The following UNC5C variants were observed in gnomAD, a reference collection of about 807,000 sequenced individuals.
UNC5C encodes netrin receptor UNC5C.
UNC5C carries 47 observed loss-of-function variants against 99.8 expected under a neutral mutation model. The observed-to-expected ratio is 0.47, with a 90% confidence interval of 0.37 to 0.60. UNC5C has a LOEUF of 0.60. Among genes scored for constraint, UNC5C ranks in the 20% least tolerant of loss-of-function variants. UNC5C has a pLI of 0.00. For missense variants in UNC5C, 1,062 were observed against 1,165.9 expected (o/e 0.91, Z 1.30); for synonymous variants, 487 against 452.2 (o/e 1.08, Z -0.98).
rs747651633 is a variant in UNC5C, at chr4:95,301,738, G to A, written c.358C>T (p.Arg120Trp). ...CGCGAAATCTCAATGCTCACTTCCC[G>A]GACAATGAGACCTGACAAGAGAAAA... The part of the protein sequence containing the change: ...RVDETSGLIV[R>W]EVSIEISRQQ... Residue 120 changes from arginine (R) to tryptophan (W), a missense_variant, in exon 3 of 16, where the codon CGG becomes TGG. By Grantham distance (101) the Arg-to-Trp change is moderately radical. Coordinates refer to ENST00000453304, the MANE Select transcript of UNC5C (RefSeq NM_003728.4). 36 of 1,612,440 alleles carry A rather than the reference G, an allele frequency of 2.2e-5. No homozygotes were observed. The South Asian group carries it at 3.5e-4, about 16-fold the overall frequency.
chr4:95,398,301 A>G (rs1447784720), intron 1 of UNC5C, among the ~76,000 whole-genome samples: 2 of 152,020 alleles, frequency 1.3e-5, no homozygotes. Flanking sequence ...CATTTTACCA[A>G]AGTTGAAACC....
At chr4:95,206,083 C>G (rs1488987172) in intron 11 of UNC5C, among the ~76,000 whole-genome samples, 1 of 151,538 alleles carries the variant, frequency 6.6e-6, no homozygotes, top group East Asian at 1.9e-4. Flanking sequence ...TCACTGCAAC[C>G]TCCGCCTCCC....
intron 1 of UNC5C, among the ~76,000 whole-genome samples, chr4:95,412,796 C>T (rs1181098498): frequency 6.6e-6 from 1 of 152,128 alleles, no homozygotes; most frequent in Non-Finnish European, 1.5e-5. Flanking sequence ...CCGCTGTCAA[C>T]AGAAAGAATG....
intron 4 of UNC5C, among the ~76,000 whole-genome samples, chr4:95,262,620 G>T (rs916691319): frequency 1.8e-4 from 27 of 151,878 alleles, no homozygotes; most frequent in African/African-American, 6.5e-4. Context: ...GTACATTTGG[G>T]TTTTTTAAAA....
At chr4:95,515,896 T>C (rs537941574) in intron 1 of UNC5C, among the ~76,000 whole-genome samples, 14 of 152,212 alleles carry the variant, frequency 9.2e-5, no homozygotes, top group Non-Finnish European at 5.9e-5. Flanking sequence ...GTCATGAAAT[T>C]TGTGTAAACA....
chr4:95,208,696 GC>G (rs1400317497), intron 10 of UNC5C, among the ~76,000 whole-genome samples: 1 of 152,144 alleles, frequency 6.6e-6, no homozygotes, highest in Non-Finnish European at 1.5e-5. Context: ...AATACTTTGA[GC>G]TATTTAGTTC....
intron 7 of UNC5C, among the ~76,000 whole-genome samples, chr4:95,230,753 G>A (rs1376137390): frequency 6.6e-6 from 1 of 151,432 alleles, no homozygotes; most frequent in Non-Finnish European, 1.5e-5. Flanking sequence ...TGGCATCCAA[G>A]ATCCTGCATG....
chr4:95,394,612 A>G (rs1394176474), intron 1 of UNC5C, among the ~76,000 whole-genome samples: 1 of 151,408 alleles, frequency 6.6e-6, no homozygotes, highest in Non-Finnish European at 1.5e-5. Flanking sequence ...ACAAAATTAT[A>G]TAATTACAAT....
rs1405194164 is a variant in UNC5C, at chr4:95,328,352, G to C, written c.346+7058C>G. 3.9e-5 allele frequency among the ~76,000 whole-genome samples: 4 copies of C among 102,014 alleles called. No homozygotes were observed. In the East Asian group the frequency reaches 1.2e-3, roughly 31 times the overall value. The allele number at this position is 102,014 out of a possible 152,430, so 66.9% of individuals were successfully genotyped here. ...GCTCTTGCGATAGTTTACTGAGAAT[G>C]ATGGTTTCCAATTTCATCCATGTCC... is the stretch of plus-strand genomic sequence containing the variant. On this transcript the variant is annotated intron_variant, in intron 2 of 15. Transcript: ENST00000453304.
intron 14 of UNC5C, among the ~76,000 whole-genome samples, chr4:95,180,853 T>C (rs1736582770): frequency 6.6e-6 from 1 of 152,230 alleles, no homozygotes; most frequent in South Asian, 2.1e-4. Flanking sequence ...GAAGGAGCCC[T>C]GTTCAGAAGA....
rs1735782205 is a variant in UNC5C at position 95,164,291 on chromosome 4, C to T, written c.*4943G>A. Reference sequence around the variant, plus strand: ...CCTGGCCTGTATGGATATGGGTTTACATAACATTGGTTACAATATATTTAT... The same window carrying T: ...CCTGGCCTGTATGGATATGGGTTTATATAACATTGGTTACAATATATTTAT... On this transcript the variant is annotated 3_prime_UTR_variant, in exon 16 of 16. Coordinates refer to ENST00000453304, the MANE Select transcript of UNC5C (RefSeq NM_003728.4). 6.6e-6 allele frequency: 1 copy of T among 152,166 alleles called. No individual in the cohort carries two copies. Among genetic ancestry groups the T allele is most frequent in the African/African-American group, 2.4e-5 (1 of 41,436 alleles). 9.4% of individuals were successfully genotyped at this position (152,166 alleles called of 1,614,324 possible).
chr4:95,204,350 G>A (rs757296656), intron 11 of UNC5C, among the ~76,000 whole-genome samples: 3 of 152,176 alleles, frequency 2.0e-5, no homozygotes, highest in Non-Finnish European at 2.9e-5. Flanking sequence ...TTGGGATTCC[G>A]AATGCATCCT....
chr4:95,519,097 A>G (rs1160541968), intron 1 of UNC5C, among the ~76,000 whole-genome samples: 1 of 152,184 alleles, frequency 6.6e-6, no homozygotes, highest in Non-Finnish European at 1.5e-5. Flanking sequence ...TTAAATCAAC[A>G]TTTGGGAAAT....
At chr4:95,249,777 G>T (rs934258117) in intron 5 of UNC5C, among the ~76,000 whole-genome samples, 2 of 152,202 alleles carry the variant, frequency 1.3e-5, no homozygotes, top group Non-Finnish European at 2.9e-5. Flanking sequence ...AAGTTGCTTC[G>T]TTGGACTTTA....
chr4:95,259,416 A>C (rs1324657022), intron 4 of UNC5C, among the ~76,000 whole-genome samples: 2 of 152,214 alleles, frequency 1.3e-5, no homozygotes, highest in Non-Finnish European at 2.9e-5. Flanking sequence ...TAATCTAAAA[A>C]CTAGAAGAAA....
At chr4:95,291,926 A>G (rs967146842) in intron 3 of UNC5C, among the ~76,000 whole-genome samples, 1 of 152,044 alleles carries the variant, frequency 6.6e-6, no homozygotes, top group African/African-American at 2.4e-5. Context: ...CTTAGTAAAA[A>G]TGCCATTTAT....
chr4:95,515,874 G>A (rs369910195), intron 1 of UNC5C, among the ~76,000 whole-genome samples: 2 of 152,168 alleles, frequency 1.3e-5, no homozygotes, highest in East Asian at 1.9e-4. Flanking sequence ...AGTCTAAACA[G>A]TGTATATAGA....
At chr4:95,435,867 T>A (rs572178745) in intron 1 of UNC5C, among the ~76,000 whole-genome samples, 70 of 152,208 alleles carry the variant, frequency 4.6e-4, no homozygotes, top group Non-Finnish European at 7.9e-4. Context: ...GGCTTCTATA[T>A]TTGTGTGTAT....
At chr4:95,191,186 C>G (rs894872349) in intron 12 of UNC5C, among the ~76,000 whole-genome samples, 1 of 152,122 alleles carries the variant, frequency 6.6e-6, no homozygotes, top group Non-Finnish European at 1.5e-5. Context: ...GTCCAGCCCC[C>G]GAGTTTCCCA....
Sources: allele counts gnomAD v4.1 joint callset (sites outside exome capture counted in the v4.1 genomes callset), GRCh38; gene constraint gnomAD v4.1.1; transcripts MANE v1.5; gene names NCBI Gene and HGNC (gene_info 2026-07-23, HGNC 2026-07-21).